The following KCNIP4 variants were observed in gnomAD, a reference collection of about 807,000 sequenced individuals.
KCNIP4 encodes the protein potassium voltage-gated channel interacting protein 4, also known as Kv channel-interacting protein 4.
In KCNIP4, 12 loss-of-function variants were observed where a neutral mutation model predicts 34.0. The observed-to-expected ratio is 0.35, with a 90% CI of 0.23 to 0.57. The LOEUF (loss-of-function observed/expected upper bound fraction) is 0.57. KCNIP4 is among the 20% of genes least tolerant of loss of function. KCNIP4 has a pLI of 0.83. For missense variants in KCNIP4, 238 were observed against 311.7 expected (o/e 0.76, Z 1.78); for synonymous variants, 124 against 102.2 (o/e 1.21, Z -1.29).
At chr4:21,779,945 A>G (rs1444847530) in intron 1 of KCNIP4, among the ~76,000 whole-genome samples, 1 of 148,026 alleles carries the variant, frequency 6.8e-6, no homozygotes, top group African/African-American at 2.4e-5. Flanking sequence ...AAAAAAAAAA[A>G]GGAAGAATAT....
chr4:20,730,781 A>G (rs1747909499), intron 8 of KCNIP4, among the ~76,000 whole-genome samples: 1 of 152,072 alleles, frequency 6.6e-6, no homozygotes, highest in Non-Finnish European at 1.5e-5. Context: ...GAGTTAGGGG[A>G]CAGACTTTGG....
intron 1 of KCNIP4, among the ~76,000 whole-genome samples, chr4:21,780,909 C>T (rs1719534917): frequency 6.6e-6 from 1 of 152,170 alleles, no homozygotes; most frequent in African/African-American, 2.4e-5. Flanking sequence ...CATCCTTTGG[C>T]TTGTGGCATC....
At chr4:20,812,378 G>A (rs1028474119) in intron 3 of KCNIP4, among the ~76,000 whole-genome samples, 1 of 152,148 alleles carries the variant, frequency 6.6e-6, no homozygotes, top group Non-Finnish European at 1.5e-5. Flanking sequence ...GAAAGCTGAA[G>A]AGGATGGATG....
intron 1 of KCNIP4, among the ~76,000 whole-genome samples, chr4:20,905,505 C>CTTTTTTTTTTTTTTTTTTT (rs1182454951): frequency 8.1e-5 from 3 of 37,026 alleles, no homozygotes; most frequent in African/African-American, 1.5e-4. Flanking sequence ...TGAACGTTTT[C>CTTTTTTTTTTTTTTTTTTT]TTTCTTTTTT....
intron 3 of KCNIP4, among the ~76,000 whole-genome samples, chr4:20,832,716 G>T: frequency 7.0e-6 from 1 of 142,186 alleles, no homozygotes; most frequent in Admixed American, 7.0e-5. Flanking sequence ...CTATTTGAAT[G>T]CTTTTTATTT....
chr4:21,377,937 G>C (rs966182178), intron 1 of KCNIP4, among the ~76,000 whole-genome samples: 2 of 152,134 alleles, frequency 1.3e-5, no homozygotes, highest in African/African-American at 2.4e-5. Context: ...GTGTTTCACT[G>C]GAAGATTGGT....
intron 1 of KCNIP4, among the ~76,000 whole-genome samples, chr4:21,508,288 T>C: frequency 6.6e-6 from 1 of 152,186 alleles, no homozygotes; most frequent in Admixed American, 6.5e-5. Context: ...TTTAACCAAT[T>C]CAAAAATGCC....
intron 1 of KCNIP4, among the ~76,000 whole-genome samples, chr4:21,045,901 A>G (rs2149785437): frequency 6.6e-6 from 1 of 152,348 alleles, no homozygotes; most frequent in Non-Finnish European, 1.5e-5. Context: ...GAAATTTGAT[A>G]AACTCAGACC....
At chr4:21,170,218 A>G (rs917645324) in intron 1 of KCNIP4, among the ~76,000 whole-genome samples, 2 of 152,206 alleles carry the variant, frequency 1.3e-5, no homozygotes, top group African/African-American at 4.8e-5. Flanking sequence ...TTATAGGTTA[A>G]GCATGGTAGA....
chr4:21,857,447 G>A (rs115166648), intron 1 of KCNIP4, among the ~76,000 whole-genome samples: 1 of 152,238 alleles, frequency 6.6e-6, no homozygotes, highest in African/African-American at 2.4e-5. Context: ...CCTCTCTGCT[G>A]AGAGCTGAGA....
chr4:21,825,305 A>G (rs1036910829), intron 1 of KCNIP4, among the ~76,000 whole-genome samples: 2 of 152,128 alleles, frequency 1.3e-5, no homozygotes, highest in Non-Finnish European at 2.9e-5. Flanking sequence ...TGGAAAAACC[A>G]GCTCTGACAT....
At chr4:21,918,328 A>C (rs1460207770) in intron 1 of KCNIP4, among the ~76,000 whole-genome samples, 1 of 152,232 alleles carries the variant, frequency 6.6e-6, no homozygotes. Context: ...ACCACCCTAC[A>C]GTAAGCGGGA....
intron 2 of KCNIP4, among the ~76,000 whole-genome samples, chr4:20,852,405 C>T (rs942186730): frequency 6.6e-6 from 1 of 152,170 alleles, no homozygotes; most frequent in South Asian, 2.1e-4. Flanking sequence ...ATGCTGAAAA[C>T]CATTCAACAA....
chr4:20,983,109 A>C (rs980684541), intron 1 of KCNIP4, among the ~76,000 whole-genome samples: 1 of 152,222 alleles, frequency 6.6e-6, no homozygotes, highest in African/African-American at 2.4e-5. Flanking sequence ...TTAACTTCTT[A>C]AAACTCTCCA....
intron 1 of KCNIP4, among the ~76,000 whole-genome samples, chr4:21,365,575 G>A (rs1282656127): frequency 6.6e-6 from 1 of 151,222 alleles, no homozygotes; most frequent in South Asian, 2.1e-4. Context: ...AATCTTTCCT[G>A]TACCTAAAAC....
At chr4:21,143,777 C>T (rs1365659107) in intron 1 of KCNIP4, among the ~76,000 whole-genome samples, 1 of 151,588 alleles carries the variant, frequency 6.6e-6, no homozygotes, top group African/African-American at 2.4e-5. Flanking sequence ...GATCTTGGCT[C>T]ACTGCAACCT....
chr4:20,939,684 C>G (rs1197154859), intron 1 of KCNIP4, among the ~76,000 whole-genome samples: 1 of 152,068 alleles, frequency 6.6e-6, no homozygotes, highest in East Asian at 1.9e-4. Context: ...AGCCCATGAT[C>G]TTTTACACTA....
intron 1 of KCNIP4, among the ~76,000 whole-genome samples, chr4:21,464,513 G>C (rs1729744931): frequency 6.6e-6 from 1 of 151,842 alleles, no homozygotes; most frequent in African/African-American, 2.4e-5. Flanking sequence ...ATTTCCTTCT[G>C]TTACTGATTT....
intron 1 of KCNIP4, among the ~76,000 whole-genome samples, chr4:21,723,592 C>T (rs964201310): frequency 6.6e-6 from 1 of 152,142 alleles, no homozygotes; most frequent in South Asian, 2.1e-4. Context: ...GAACTCACAA[C>T]AAATGGCTCA....
Sources: gnomAD v4.1 joint callset for allele counts (sites outside exome capture counted in the v4.1 genomes callset) on GRCh38, gnomAD v4.1.1 for gene constraint, MANE v1.5 for transcripts, NCBI Gene and HGNC (gene_info 2026-07-23, HGNC 2026-07-21) for gene names.